PLXDC2: variants seen among roughly 807,000 people sequenced by gnomAD.
PLXDC2 encodes plexin domain-containing protein 2.
In PLXDC2, 40 loss-of-function variants were observed where a neutral mutation model predicts 68.9. That is an observed-to-expected ratio of 0.58 (90% confidence interval 0.45 to 0.76). PLXDC2 has a LOEUF of 0.76. PLXDC2 is among the 30% of genes least tolerant of loss of function. The pLI is 0.00. For missense variants in PLXDC2, 644 were observed against 661.9 expected, an observed-to-expected ratio of 0.97 and a Z score of 0.30; for synonymous variants, 243 against 234.2, an observed-to-expected ratio of 1.04 and a Z score of -0.34.
chr10:20,248,354 T>C (rs1479239796), intron 13 of PLXDC2, among the ~76,000 whole-genome samples: 1 of 152,204 alleles, frequency 6.6e-6, no homozygotes, highest in Non-Finnish European at 1.5e-5. Flanking sequence ...TATAGAATAT[T>C]AGAGCTAGAT....
At chr10:19,888,200 G>A (rs1045419148) in intron 1 of PLXDC2, among the ~76,000 whole-genome samples, 1 of 152,160 alleles carries the variant, frequency 6.6e-6, no homozygotes, top group East Asian at 1.9e-4. Context: ...AGAATGATAA[G>A]AAATTATTGT....
intron 9 of PLXDC2, among the ~76,000 whole-genome samples, chr10:20,178,530 G>A (rs1222397369): frequency 6.6e-6 from 1 of 152,040 alleles, no homozygotes; most frequent in African/African-American, 2.4e-5. Context: ...CTTTCCCCAG[G>A]AGGGAAACCG....
In PLXDC2 at chr10:20,283,014, G is replaced by A. The variant is rs1037946508; in HGVS notation, c.*3195G>A. The A allele has an allele frequency of 3.9e-5, 6 of 152,092 alleles. No individual in the cohort carries two copies. Among genetic ancestry groups the A allele is most frequent in the Non-Finnish European group, 7.4e-5 (5 of 68,020 alleles). 9.4% of individuals were successfully genotyped at this position (152,092 alleles called of 1,614,324 possible). On this transcript the variant is annotated 3_prime_UTR_variant, in exon 14 of 14. Transcript: ENST00000377252. Reference sequence around the variant, plus strand: ...CACATTTCAAAGGCTCAATAGCCACGCCTGGCTTGTGGCTACCATATTGGA... The same window carrying A: ...CACATTTCAAAGGCTCAATAGCCACACCTGGCTTGTGGCTACCATATTGGA...
At chr10:19,855,045 A>C (rs1430256523) in intron 1 of PLXDC2, among the ~76,000 whole-genome samples, 2 of 152,222 alleles carry the variant, frequency 1.3e-5, no homozygotes, top group Non-Finnish European at 1.5e-5. Context: ...TGGGACTAAA[A>C]TGTAAATTAC....
intron 13 of PLXDC2, among the ~76,000 whole-genome samples, chr10:20,266,604 T>C (rs932153978): frequency 5.9e-5 from 9 of 152,194 alleles, no homozygotes; most frequent in African/African-American, 1.9e-4. Flanking sequence ...GGTGTTTCAG[T>C]GAGAAAAGTA....
At chr10:20,216,916 T>C (rs1333155268) in intron 10 of PLXDC2, among the ~76,000 whole-genome samples, 2 of 152,054 alleles carry the variant, frequency 1.3e-5, no homozygotes, top group African/African-American at 4.8e-5. Context: ...GAAAACAAAA[T>C]TTTAGACATT....
intron 1 of PLXDC2, among the ~76,000 whole-genome samples, chr10:19,835,066 G>A (rs1323363248): frequency 6.6e-6 from 1 of 152,192 alleles, no homozygotes; most frequent in Non-Finnish European, 1.5e-5. Context: ...CAATCCTGGG[G>A]CAGAGAACTG....
chr10:19,892,909 A>G (rs1837990420), intron 1 of PLXDC2, among the ~76,000 whole-genome samples: 2 of 149,802 alleles, frequency 1.3e-5, no homozygotes, highest in Admixed American at 6.6e-5. Context: ...CTGTTGGCCT[A>G]GTTGAAATGG....
intron 1 of PLXDC2, among the ~76,000 whole-genome samples, chr10:19,895,405 C>T (rs2131363264): frequency 6.6e-6 from 1 of 152,136 alleles, no homozygotes; most frequent in South Asian, 2.1e-4. Flanking sequence ...CTAAATTTCC[C>T]AGTAGCCGTA....
Position 19,988,188 on chromosome 10 carries a change from C to G in PLXDC2, c.113-13587C>G, listed in dbSNP as rs79758047. 1.3e-3 allele frequency among the ~76,000 whole-genome samples: 197 copies of G among 152,258 alleles called. 1 individual carries two copies. The highest frequency in any genetic ancestry group is 4.4e-3 in the African/African-American group (181 of 41,542). The stretch of plus-strand genomic sequence containing the variant: ...TTTAGAAGCTCAATGATTTTGAAAG[C>G]CTTTGCAAGCCTAACTGATAACTAA... On this transcript the variant is annotated intron_variant, in intron 1 of 13. Coordinates refer to ENST00000377252, the MANE Select transcript of PLXDC2 (RefSeq NM_032812.9).
chr10:19,875,929 G>A (rs1035483267), intron 1 of PLXDC2, among the ~76,000 whole-genome samples: 8 of 152,144 alleles, frequency 5.3e-5, no homozygotes, highest in Admixed American at 2.0e-4. Context: ...GTGTGCAAAA[G>A]CAGTCTATGC....
chr10:20,005,277 A>G (rs1016027668), intron 2 of PLXDC2, among the ~76,000 whole-genome samples: 2 of 152,200 alleles, frequency 1.3e-5, no homozygotes, highest in African/African-American at 4.8e-5. Context: ...TCTGGCTCAT[A>G]AAAGACTTGT....
intron 12 of PLXDC2, among the ~76,000 whole-genome samples, chr10:20,226,969 T>C (rs964633885): frequency 6.6e-6 from 1 of 151,948 alleles, no homozygotes; most frequent in Non-Finnish European, 1.5e-5. Flanking sequence ...GGTTTTGTGT[T>C]ACCCAATATT....
intron 4 of PLXDC2, among the ~76,000 whole-genome samples, chr10:20,126,814 T>TTATATATGTATGTAG (rs1564325370): frequency 3.5e-5 from 1 of 28,798 alleles, no homozygotes; most frequent in Non-Finnish European, 7.9e-5. Flanking sequence ...TATGTATATA[T>TTATATATGTATGTAG]AACATATATG....
chr10:20,270,624 A>T (rs1256473597), intron 13 of PLXDC2, among the ~76,000 whole-genome samples: 1 of 151,968 alleles, frequency 6.6e-6, no homozygotes. Context: ...GGCTCACTGC[A>T]ATCTCCGCCT....
At chr10:20,269,160 CTG>C (rs1835905504) in intron 13 of PLXDC2, among the ~76,000 whole-genome samples, 1 of 152,168 alleles carries the variant, frequency 6.6e-6, no homozygotes, top group Admixed American at 6.5e-5. Context: ...AAGAACTATT[CTG>C]TATATGTCTG....
intron 3 of PLXDC2, among the ~76,000 whole-genome samples, chr10:20,054,906 G>A (rs10764187): frequency 0.85 from 129,579 of 152,164 alleles, 55,420 homozygotes; most frequent in African/African-American, 0.91. Flanking sequence ...TGCCTGATAG[G>A]TCTATATATT....
intron 1 of PLXDC2, among the ~76,000 whole-genome samples, chr10:19,839,777 C>G (rs761640188): frequency 5.3e-5 from 8 of 152,062 alleles, no homozygotes; most frequent in Non-Finnish European, 1.2e-4. Flanking sequence ...ACGGCAGACT[C>G]TTTAGAATGT....
chr10:20,070,004 G>A (rs1265511804), intron 4 of PLXDC2, among the ~76,000 whole-genome samples: 3 of 152,166 alleles, frequency 2.0e-5, no homozygotes, highest in East Asian at 1.9e-4. Context: ...CGGTTGTGTA[G>A]AGAAGGAAGA....
Sources: allele counts gnomAD v4.1 joint callset (sites outside exome capture counted in the v4.1 genomes callset), GRCh38; gene constraint gnomAD v4.1.1; transcripts MANE v1.5; gene names NCBI Gene and HGNC (gene_info 2026-07-23, HGNC 2026-07-21).